The following DCHS2 variants were observed in gnomAD, a reference collection of about 807,000 sequenced individuals.
DCHS2 encodes protocadherin-23.
Under a neutral mutation model 182.4 loss-of-function variants are expected in DCHS2, and 142 were observed. The observed-to-expected ratio is 0.78, with a 90% CI of 0.68 to 0.89. The LOEUF (loss-of-function observed/expected upper bound fraction) is 0.89, where lower values mean the gene tolerates loss of function less well. Ranked by LOEUF, DCHS2 falls within the 40% of genes least tolerant of loss-of-function variation. DCHS2 has a pLI of 0.00. For synonymous variants in DCHS2, 1,740 were observed against 1,663.3 expected, an observed-to-expected ratio of 1.05 and a Z score of -1.12; for missense variants, 4,319 against 4,198.6, an observed-to-expected ratio of 1.03 and a Z score of -0.79.
chr4:154,357,352 T>C (rs1729921037), intron 3 of DCHS2: 1 of 1,486,926 alleles, frequency 6.7e-7, no homozygotes, highest in Non-Finnish European at 9.4e-7. Flanking sequence ...GCCAGGCTGG[T>C]GGGAGCAGGG....
At chr4:154,343,390 A>G (rs372363686) in intron 3 of DCHS2, 14 of 1,261,204 alleles carry the variant, frequency 1.1e-5, no homozygotes, top group Admixed American at 3.3e-5. Context: ...CTCTCTAGCT[A>G]TGAAAGTCCT....
chr4:154,290,566 C>T (rs1207536942), intron 13 of DCHS2, among the ~76,000 whole-genome samples: 1 of 123,862 alleles, frequency 8.1e-6, no homozygotes, highest in Non-Finnish European at 1.8e-5. Flanking sequence ...AACAAAACAG[C>T]ATGGTTCTGG....
At chr4:154,382,082 C>G (rs1281448173) in intron 1 of DCHS2, among the ~76,000 whole-genome samples, 2 of 152,022 alleles carry the variant, frequency 1.3e-5, no homozygotes, top group African/African-American at 4.8e-5. Flanking sequence ...GGTACGAAAA[C>G]AGAAACATAG....
rs564954612 is a variant in DCHS2, at chr4:154,489,937, G to A, written c.1419C>T (p.Gly473=). ...GDGSISLSLE[G]GEGDFALLPG... ...GTAGCAACGCGAAGTCTCCCTCTCC[G>A]CCTTCCAAGGACAGAGAGATGCTCC... is the stretch of plus-strand genomic sequence containing the variant. Residue 473 remains glycine, a synonymous_variant, in exon 1 of 20, where the codon GGC becomes GGT. Coordinates refer to ENST00000357232, the MANE Select transcript of DCHS2 (RefSeq NM_001358235.2). The A allele has an allele frequency of 5.8e-5, 90 of 1,540,944 alleles. No individual in the cohort carries two copies. The African/African-American group carries it at 9.1e-4, about 16-fold the overall frequency.
chr4:154,393,033 C>T (rs1731775763), intron 1 of DCHS2, among the ~76,000 whole-genome samples: 1 of 152,132 alleles, frequency 6.6e-6, no homozygotes, highest in African/African-American at 2.4e-5. Flanking sequence ...ATTTTATCTT[C>T]ATCTTACTGA....
chr4:154,282,556 C>T (rs920351027), intron 13 of DCHS2, among the ~76,000 whole-genome samples: 3 of 151,438 alleles, frequency 2.0e-5, no homozygotes, highest in African/African-American at 7.3e-5. Context: ...GAAATTGGAA[C>T]CTTTGTGCAC....
At chr4:154,306,118 A>G (rs1735431596) in intron 10 of DCHS2, among the ~76,000 whole-genome samples, 2 of 152,184 alleles carry the variant, frequency 1.3e-5, no homozygotes, top group African/African-American at 2.4e-5. Flanking sequence ...TCATTACATT[A>G]TGATCTGGCA....
intron 1 of DCHS2, among the ~76,000 whole-genome samples, chr4:154,443,302 G>A (rs181234998): frequency 6.6e-6 from 1 of 152,258 alleles, no homozygotes; most frequent in East Asian, 1.9e-4. Context: ...AACCTCAAGT[G>A]ACAATCGAAG....
At chr4:154,406,332 A>T (rs1732399546) in intron 1 of DCHS2, among the ~76,000 whole-genome samples, 1 of 152,198 alleles carries the variant, frequency 6.6e-6, no homozygotes, top group Non-Finnish European at 1.5e-5. Context: ...TCCTCAAACT[A>T]TGCCTCATTT....
intron 1 of DCHS2, among the ~76,000 whole-genome samples, chr4:154,429,396 G>T (rs1446910910): frequency 6.6e-6 from 1 of 152,176 alleles, no homozygotes; most frequent in Admixed American, 6.5e-5. Flanking sequence ...CACTTCAAAA[G>T]CCAGAGGAGG....
intron 13 of DCHS2, among the ~76,000 whole-genome samples, chr4:154,297,504 A>G (rs1318793237): frequency 6.6e-6 from 1 of 152,228 alleles, no homozygotes; most frequent in Non-Finnish European, 1.5e-5. Context: ...AAGTAATTCC[A>G]AACATAAGGG....
chr4:154,266,571 G>C (rs1198990664), intron 14 of DCHS2, among the ~76,000 whole-genome samples: 1 of 151,122 alleles, frequency 6.6e-6, no homozygotes. Flanking sequence ...CAGGAGAATC[G>C]CTTGAACCCA....
At chr4:154,397,858 C>T (rs1579045884) in intron 1 of DCHS2, among the ~76,000 whole-genome samples, 1 of 152,288 alleles carries the variant, frequency 6.6e-6, no homozygotes, top group South Asian at 2.1e-4. Flanking sequence ...TTCTTCCTCT[C>T]ATTCCCCCAA....
At chr4:154,472,686 TTTGTAAAACTGCC>T (rs1182478978) in intron 1 of DCHS2, among the ~76,000 whole-genome samples, 1 of 152,110 alleles carries the variant, frequency 6.6e-6, no homozygotes, top group African/African-American at 2.4e-5. Flanking sequence ...GCATAAAGAC[TTTGTAAAACTGCC>T]TTGGATATGA....
chr4:154,235,627 T>A lies in DCHS2; in HGVS notation c.9025A>T (p.Ile3009Phe), dbSNP rs922837096. 1 of 1,613,792 alleles carries A rather than the reference T, an allele frequency of 6.2e-7. No individual in the cohort carries two copies. The highest frequency in any genetic ancestry group is 1.3e-5 in the African/African-American group (1 of 74,898). The change falls in exon 20 of 20, where the codon ATC (isoleucine) becomes TTC (phenylalanine). Residue 3009 changes from isoleucine to phenylalanine, a missense_variant. By Grantham distance (21) the Ile-to-Phe change is conservative (BLOSUM62 0). Coordinates refer to ENST00000357232, the MANE Select transcript of DCHS2 (RefSeq NM_001358235.2). ...AAAATCATTACAATTAGAATGCAGA[T>A]GAGTATCAGAAACACTAAAAAGGAG... ...VVSFLVFLIL[I>F]CILIVMILRH...
chr4:154,235,057 C>G lies in DCHS2; in HGVS notation c.9595G>C (p.Asp3199His), dbSNP rs1457148054. The change falls in exon 20 of 20, where the codon GAC (aspartate) becomes CAC (histidine). Residue 3199 changes from aspartate to histidine, a missense_variant. By Grantham distance (81) the Asp-to-His change is moderately conservative. Transcript: ENST00000357232. ...ATAAAGACAGACTCTTTTCTAACGT[C>G]AGCCAGGATGCTCTCTTTTGCCTCT... is the stretch of plus-strand genomic sequence containing the variant. Reference protein sequence around the residue: ...KREAKESILADVRKESVFISG... With the variant: ...KREAKESILAHVRKESVFISG... 1.9e-6 allele frequency: 3 copies of G among 1,613,874 alleles called. No homozygotes were observed. The highest frequency in any genetic ancestry group is 2.5e-6 in the Non-Finnish European group (3 of 1,179,974).
At chr4:154,470,640 G>A (rs1162971775) in intron 1 of DCHS2, among the ~76,000 whole-genome samples, 4 of 152,100 alleles carry the variant, frequency 2.6e-5, no homozygotes, top group East Asian at 1.9e-4. Flanking sequence ...TAACGCTGCT[G>A]TACATATGTC....
At chr4:154,251,621 C>T (rs1482542493) in intron 16 of DCHS2, among the ~76,000 whole-genome samples, 2 of 152,134 alleles carry the variant, frequency 1.3e-5, no homozygotes, top group Admixed American at 1.3e-4. Context: ...CGGGTTCAAG[C>T]GATTCTCCTG....
intron 2 of DCHS2, among the ~76,000 whole-genome samples, chr4:154,370,070 G>A (rs1730574189): frequency 6.6e-6 from 1 of 152,028 alleles, no homozygotes; most frequent in South Asian, 2.1e-4. Context: ...TCATTCCAGT[G>A]AGCTTTCTAT....
Sources: gnomAD v4.1 joint callset for allele counts (sites outside exome capture counted in the v4.1 genomes callset) on GRCh38, gnomAD v4.1.1 for gene constraint, MANE v1.5 for transcripts, NCBI Gene and HGNC (gene_info 2026-07-23, HGNC 2026-07-21) for gene names.